The following TENM4 variants were observed in gnomAD, a reference collection of about 807,000 sequenced individuals.
TENM4 encodes teneurin transmembrane protein 4.
TENM4 carries 82 observed loss-of-function variants against 243.3 expected under a neutral mutation model. The observed-to-expected ratio is 0.34, with a 90% CI of 0.28 to 0.40. TENM4 has a LOEUF of 0.40. TENM4 is among the 10% of genes least tolerant of loss of function. The pLI, the probability that TENM4 is intolerant of heterozygous loss-of-function variation, is 1.00. For synonymous variants in TENM4, 1,412 were observed against 1,456.3 expected, an observed-to-expected ratio of 0.97 and a Z score of 0.69; for missense variants, 3,138 against 3,673.3, an observed-to-expected ratio of 0.85 and a Z score of 3.77.
chr11:78,664,081 C>G (rs78305638), intron 32 of TENM4, among the ~76,000 whole-genome samples: 7,699 of 152,224 alleles, frequency 0.051, 650 homozygotes, highest in African/African-American at 0.17. Flanking sequence ...CCCCAACTTA[C>G]AAACTGTGTG....
intron 18 of TENM4, among the ~76,000 whole-genome samples, chr11:78,762,804 G>A (rs1453472789): frequency 7.2e-6 from 1 of 138,614 alleles, no homozygotes; most frequent in Non-Finnish European, 1.5e-5. Flanking sequence ...GCATATGGCT[G>A]TTCTACAGTG....
chr11:79,319,847 C>T (rs1856858745), intron 1 of TENM4, among the ~76,000 whole-genome samples: 1 of 152,288 alleles, frequency 6.6e-6, no homozygotes, highest in Non-Finnish European at 1.5e-5. Flanking sequence ...GCCCTCCAAC[C>T]TGTCCGGTCC....
intron 21 of TENM4, 35 bp from the exon 22 acceptor site, chr11:78,729,678 T>C: frequency 6.4e-7 from 1 of 1,568,300 alleles, no homozygotes; most frequent in Non-Finnish European, 8.6e-7. Flanking sequence ...CAAGGGACGG[T>C]CGTCGACTCA....
chr11:78,846,364 A>G (rs1275585574), intron 12 of TENM4, among the ~76,000 whole-genome samples: 1 of 152,230 alleles, frequency 6.6e-6, no homozygotes, highest in Non-Finnish European at 1.5e-5. Context: ...GTCTATGAAC[A>G]CCATGGAGGC....
intron 2 of TENM4, among the ~76,000 whole-genome samples, chr11:79,217,441 T>C (rs1413727895): frequency 6.6e-6 from 1 of 152,174 alleles, no homozygotes; most frequent in Non-Finnish European, 1.5e-5. Flanking sequence ...ATTTGAGAAG[T>C]TCCCTGAATT....
intron 1 of TENM4, among the ~76,000 whole-genome samples, chr11:79,380,345 C>A (rs1184813839): frequency 6.6e-6 from 1 of 151,732 alleles, no homozygotes; most frequent in Non-Finnish European, 1.5e-5. Flanking sequence ...GAATGAATGA[C>A]AACACAAGGC....
intron 3 of TENM4, among the ~76,000 whole-genome samples, chr11:79,164,308 TATAG>T (rs1188186779): frequency 1.6e-5 from 2 of 126,652 alleles, no homozygotes; most frequent in Non-Finnish European, 3.1e-5. Context: ...ATATATAGTA[TATAG>T]ATATACTAGT....
chr11:79,299,674 A>AGGCT, intron 1 of TENM4, among the ~76,000 whole-genome samples: 1 of 152,342 alleles, frequency 6.6e-6, no homozygotes, highest in South Asian at 2.1e-4. Context: ...GAAATAGAAA[A>AGGCT]GGCTGATAAC....
At chr11:79,014,069 T>G (rs1858713980) in intron 6 of TENM4, among the ~76,000 whole-genome samples, 1 of 152,230 alleles carries the variant, frequency 6.6e-6, no homozygotes, top group African/African-American at 2.4e-5. Context: ...GTTATCTGTA[T>G]CCTCAGAGCC....
chr11:79,411,420 T>A (rs1858697930), intron 1 of TENM4, among the ~76,000 whole-genome samples: 1 of 152,184 alleles, frequency 6.6e-6, no homozygotes, highest in African/African-American at 2.4e-5. Flanking sequence ...TTGAGAAAAC[T>A]GAGACTCAGA....
intron 1 of TENM4, among the ~76,000 whole-genome samples, chr11:79,334,092 G>A (rs901103581): frequency 4.6e-5 from 7 of 152,202 alleles, no homozygotes; most frequent in Admixed American, 2.6e-4. Context: ...AAACATCATT[G>A]ACTACCTAAC....
chr11:78,932,058 G>C (rs759399588), intron 6 of TENM4, among the ~76,000 whole-genome samples: 6 of 152,152 alleles, frequency 3.9e-5, no homozygotes, highest in Non-Finnish European at 5.9e-5. Flanking sequence ...CGCAGGCTTG[G>C]AAAGCACTTA....
intron 6 of TENM4, among the ~76,000 whole-genome samples, chr11:78,918,223 G>A (rs12269747): frequency 0.19 from 28,746 of 152,064 alleles, 6,400 homozygotes; most frequent in African/African-American, 0.54. Context: ...CTTAAGTGCT[G>A]TGGTCCTCGT....
chr11:78,956,136 A>G (rs930459673), intron 6 of TENM4, among the ~76,000 whole-genome samples: 1 of 152,044 alleles, frequency 6.6e-6, no homozygotes, highest in African/African-American at 2.4e-5. Flanking sequence ...AAGAAAGGAA[A>G]TCAGCACTTT....
chr11:78,803,839 T>C (rs934755399), intron 15 of TENM4, among the ~76,000 whole-genome samples: 1 of 152,252 alleles, frequency 6.6e-6, no homozygotes, highest in Non-Finnish European at 1.5e-5. Flanking sequence ...CCATTTATTA[T>C]ATCGCTATAA....
At chr11:78,756,587 C>T (rs1856310568) in intron 19 of TENM4, 1 of 544,936 alleles carries the variant, frequency 1.8e-6, no homozygotes, top group Non-Finnish European at 3.3e-6. Flanking sequence ...GTGGGAGCAA[C>T]AAAACTTTGC....
rs552798062 is a variant in TENM4, at chr11:79,325,842, C to T, written c.-320-28299G>A. ...TTAACCCCAGCAGTAGAAGTTACAC[C>T]ACCACACTCTGCTGCTCCTACCATC... On this transcript the variant is annotated intron_variant, in intron 1 of 33. Coordinates refer to ENST00000278550, the MANE Select transcript of TENM4 (RefSeq NM_001098816.3). Among the ~76,000 whole-genome samples, 4 of 152,318 alleles carry T rather than the reference C, an allele frequency of 2.6e-5. No homozygotes were observed. The South Asian group carries it at 8.3e-4, about 32-fold the overall frequency.
intron 6 of TENM4, among the ~76,000 whole-genome samples, chr11:79,057,011 A>T (rs1292481395): frequency 6.6e-6 from 1 of 152,184 alleles, no homozygotes; most frequent in African/African-American, 2.4e-5. Context: ...TTCTATCCCC[A>T]TCCACAGGTA....
intron 6 of TENM4, among the ~76,000 whole-genome samples, chr11:78,965,459 T>G (rs1233088321): frequency 6.6e-6 from 1 of 152,226 alleles, no homozygotes; most frequent in African/African-American, 2.4e-5. Flanking sequence ...GAGCTTCTAA[T>G]GAGCTTGAGA....
Sources: gnomAD v4.1 joint callset for allele counts (sites outside exome capture counted in the v4.1 genomes callset) on GRCh38, gnomAD v4.1.1 for gene constraint, MANE v1.5 for transcripts, NCBI Gene and HGNC (gene_info 2026-07-23, HGNC 2026-07-21) for gene names.